The following CDH18 variants were observed in gnomAD, a reference collection of about 807,000 sequenced individuals.
The protein encoded by CDH18 is cadherin-18.
In CDH18, 31 loss-of-function variants were observed where a neutral mutation model predicts 67.9. The ratio of observed to expected loss-of-function variants is 0.46; its 90% CI spans 0.34 to 0.62. The LOEUF is 0.62. Ranked by LOEUF, CDH18 falls within the 20% of genes least tolerant of loss-of-function variation. The pLI, the probability that CDH18 is intolerant of heterozygous loss-of-function variation, is 0.01. For missense variants in CDH18, 890 were observed against 975.5 expected (o/e 0.91, Z 1.17); for synonymous variants, 362 against 347.2 (o/e 1.04, Z -0.48).
At chr5:19,564,353 T>C (rs1407327375) in intron 8 of CDH18, among the ~76,000 whole-genome samples, 1 of 151,370 alleles carries the variant, frequency 6.6e-6, no homozygotes, top group African/African-American at 2.4e-5. Flanking sequence ...GAGGAAGGAG[T>C]AAAAAGGACT....
Position 19,786,842 on chromosome 5 carries a change from C to CT in CDH18, c.229-39607dup, listed in dbSNP as rs555137070. The stretch of plus-strand genomic sequence containing the variant: ...TCCAGTGTCTGTGTGCTAGGCATGG[C>CT]TGGGGGGGTGTTGGGGTAGGGGCTC... On this transcript the variant is annotated intron_variant, in intron 3 of 12. Coordinates refer to ENST00000382275, the MANE Select transcript of CDH18 (RefSeq NM_004934.5). Among the ~76,000 whole-genome samples, 78 of 152,006 alleles carry CT rather than the reference C, an allele frequency of 5.1e-4. 1 individual carries two copies. The South Asian group carries it at 0.015, about 30-fold the overall frequency.
At chr5:20,488,277 T>C (rs1053988126) in intron 1 of CDH18, among the ~76,000 whole-genome samples, 1 of 152,274 alleles carries the variant, frequency 6.6e-6, no homozygotes, top group Non-Finnish European at 1.5e-5. Context: ...GGTCCATACA[T>C]ACACATATGC....
chr5:20,156,793 T>A (rs549506083), intron 2 of CDH18, among the ~76,000 whole-genome samples: 1 of 152,348 alleles, frequency 6.6e-6, no homozygotes, highest in Admixed American at 6.5e-5. Flanking sequence ...TCATAGGTGT[T>A]ATAAAATATG....
intron 2 of CDH18, among the ~76,000 whole-genome samples, chr5:19,952,638 C>T (rs1262610093): frequency 6.6e-6 from 1 of 152,100 alleles, no homozygotes; most frequent in Non-Finnish European, 1.5e-5. Flanking sequence ...AACTATTTTG[C>T]TGAAATAACT....
chr5:19,867,470 T>C (rs1785684210), intron 2 of CDH18, among the ~76,000 whole-genome samples: 1 of 152,218 alleles, frequency 6.6e-6, no homozygotes, highest in South Asian at 2.1e-4. Flanking sequence ...TTACATCTTA[T>C]AAGCATCAGA....
At chr5:20,430,903 T>C (rs1377678676) in intron 1 of CDH18, among the ~76,000 whole-genome samples, 2 of 152,164 alleles carry the variant, frequency 1.3e-5, no homozygotes, top group Non-Finnish European at 2.9e-5. Context: ...TTTTTATAAA[T>C]ACTCCATAAA....
chr5:20,256,259 T>G (rs72743095), intron 1 of CDH18, among the ~76,000 whole-genome samples: 3,671 of 152,100 alleles, frequency 0.024, 64 homozygotes, highest in Non-Finnish European at 0.035. Flanking sequence ...GAGGTAAAAA[T>G]GTGTTCTCAG....
intron 7 of CDH18, among the ~76,000 whole-genome samples, chr5:19,579,312 T>C (rs1188107876): frequency 6.6e-6 from 1 of 151,978 alleles, no homozygotes; most frequent in Non-Finnish European, 1.5e-5. Flanking sequence ...CTGTTCCTTC[T>C]TTTTATGATT....
chr5:20,220,322 A>G (rs78725652), intron 2 of CDH18, among the ~76,000 whole-genome samples: 1,687 of 152,116 alleles, frequency 0.011, 32 homozygotes, highest in African/African-American at 0.038. Flanking sequence ...AAATACATAC[A>G]TACTTCTACA....
chr5:19,686,175 T>C (rs893369703), intron 5 of CDH18, among the ~76,000 whole-genome samples: 4 of 152,018 alleles, frequency 2.6e-5, no homozygotes, highest in African/African-American at 7.2e-5. Context: ...CAGCACGCAA[T>C]AAAACATTTC....
intron 2 of CDH18, among the ~76,000 whole-genome samples, chr5:19,846,052 TTCTG>T (rs1214309080): frequency 1.3e-5 from 2 of 152,032 alleles, no homozygotes; most frequent in East Asian, 1.9e-4. Flanking sequence ...TGTTATTGTT[TTCTG>T]TCTATCTTGT....
chr5:20,210,470 A>G (rs1227406751), intron 2 of CDH18, among the ~76,000 whole-genome samples: 1 of 151,986 alleles, frequency 6.6e-6, no homozygotes, highest in Non-Finnish European at 1.5e-5. Flanking sequence ...TATTTGTTGT[A>G]ATTTTAAAAT....
intron 2 of CDH18, among the ~76,000 whole-genome samples, chr5:20,190,671 T>C (rs1449378735): frequency 6.6e-6 from 1 of 152,064 alleles, no homozygotes; most frequent in Non-Finnish European, 1.5e-5. Flanking sequence ...TCACACTTAT[T>C]TCCGTATATG....
chr5:20,337,843 C>T (rs1739917530), intron 1 of CDH18, among the ~76,000 whole-genome samples: 2 of 152,166 alleles, frequency 1.3e-5, no homozygotes, highest in Non-Finnish European at 2.9e-5. Context: ...TAAAGACATA[C>T]CCTAAACTGG....
chr5:20,009,650 A>G (rs2150413200), intron 2 of CDH18, among the ~76,000 whole-genome samples: 1 of 152,270 alleles, frequency 6.6e-6, no homozygotes, highest in East Asian at 1.9e-4. Flanking sequence ...AAGTCAAATA[A>G]TTATTGTAAA....
At chr5:20,195,904 T>C (rs1269068937) in intron 2 of CDH18, among the ~76,000 whole-genome samples, 1 of 148,660 alleles carries the variant, frequency 6.7e-6, no homozygotes, top group African/African-American at 2.5e-5. Flanking sequence ...CTTAAAAATG[T>C]ATGGGACTCA....
intron 1 of CDH18, among the ~76,000 whole-genome samples, chr5:20,480,783 A>T (rs999546284): frequency 2.6e-5 from 4 of 152,110 alleles, no homozygotes; most frequent in South Asian, 4.2e-4. Context: ...CATCAGATTT[A>T]AAAAAATGGG....
intron 9 of CDH18, 42 bp from the exon 10 acceptor site, chr5:19,520,820 C>T (rs1561257006): frequency 1.9e-6 from 3 of 1,603,728 alleles, no homozygotes; most frequent in Non-Finnish European, 2.6e-6. Context: ...TCCATGCACA[C>T]TTTAGAGGCT....
intron 2 of CDH18, among the ~76,000 whole-genome samples, chr5:19,965,341 C>T (rs1019579536): frequency 6.6e-6 from 1 of 151,968 alleles, no homozygotes; most frequent in South Asian, 2.1e-4. Flanking sequence ...TATAATGGGA[C>T]CTACATAGAG....
Sources: gnomAD v4.1 joint callset for allele counts (sites outside exome capture counted in the v4.1 genomes callset) on GRCh38, gnomAD v4.1.1 for gene constraint, MANE v1.5 for transcripts, NCBI Gene and HGNC (gene_info 2026-07-23, HGNC 2026-07-21) for gene names.